The following NAALADL2 variants were observed in gnomAD, a reference collection of about 807,000 sequenced individuals.
The protein encoded by NAALADL2 is inactive N-acetylated-alpha-linked acidic dipeptidase-like protein 2.
In NAALADL2, 76 loss-of-function variants were observed where a neutral mutation model predicts 87.2. The observed-to-expected ratio is 0.87, with a 90% CI of 0.72 to 1.05. The LOEUF (loss-of-function observed/expected upper bound fraction) is 1.05. Ranked by LOEUF, NAALADL2 falls within the 50% of genes least tolerant of loss-of-function variation. The probability of loss-of-function intolerance (pLI) is 0.00; values close to 1 mark genes in which losing one functional copy is unlikely to be tolerated. For missense variants in NAALADL2, 1,089 were observed against 945.8 expected, an observed-to-expected ratio of 1.15 and a Z score of -1.99; for synonymous variants, 354 against 331.0, an observed-to-expected ratio of 1.07 and a Z score of -0.75.
chr3:174,484,819 A>G (rs112596821), intron 1 of NAALADL2, among the ~76,000 whole-genome samples: 5,153 of 68,840 alleles, frequency 0.075, 89 homozygotes, highest in East Asian at 0.14. Context: ...AGTGTGATTT[A>G]CATTATGGTA....
chr3:175,494,318 C>G (rs41482845), intron 9 of NAALADL2, among the ~76,000 whole-genome samples: 15,527 of 152,088 alleles, frequency 0.1, 999 homozygotes, highest in African/African-American at 0.17. Flanking sequence ...TGGTGATAAA[C>G]ATGCATGCAT....
At chr3:174,863,859 C>T (rs1243688034) in intron 1 of NAALADL2, 1 of 308,468 alleles carries the variant, frequency 3.2e-6, no homozygotes, top group Non-Finnish European at 6.3e-6. Context: ...GTGCAAGGAG[C>T]TCCTGTTGGA....
intron 10 of NAALADL2, among the ~76,000 whole-genome samples, 185 bp downstream of exon 10, chr3:175,576,372 A>G (rs1249439470): frequency 2.0e-5 from 3 of 152,232 alleles, no homozygotes; most frequent in Admixed American, 2.0e-4. Flanking sequence ...AGCTCTTTTC[A>G]ATAGTATTGA....
chr3:175,420,349 A>G (rs1028227588), intron 5 of NAALADL2, among the ~76,000 whole-genome samples: 3 of 151,998 alleles, frequency 2.0e-5, no homozygotes, highest in African/African-American at 7.2e-5. Flanking sequence ...AAATTCTTCT[A>G]CACCTGAAGG....
At chr3:174,619,560 T>C (rs1474639809) in intron 2 of NAALADL2, among the ~76,000 whole-genome samples, 1 of 151,960 alleles carries the variant, frequency 6.6e-6, no homozygotes, top group Non-Finnish European at 1.5e-5. Context: ...GAGTTGCTTT[T>C]GGTCTTCAAT....
At chr3:175,257,719 A>C (rs1020577069) in intron 4 of NAALADL2, among the ~76,000 whole-genome samples, 1 of 152,182 alleles carries the variant, frequency 6.6e-6, no homozygotes, top group Non-Finnish European at 1.5e-5. Context: ...TGAATATGCT[A>C]TAACAATTTG....
intron 11 of NAALADL2, among the ~76,000 whole-genome samples, chr3:175,681,110 T>TCAAAA (rs539746203): frequency 1.3e-5 from 2 of 152,192 alleles, no homozygotes; most frequent in Non-Finnish European, 2.9e-5. Flanking sequence ...AGGCTCTGTC[T>TCAAAA]CAAAACAAAA....
intron 4 of NAALADL2, among the ~76,000 whole-genome samples, chr3:175,266,976 T>C (rs1752033128): frequency 6.6e-6 from 1 of 151,798 alleles, no homozygotes. Context: ...TCAAACCTTA[T>C]GATTGGTTTT....
chr3:175,743,094 G>A (rs148585234), intron 12 of NAALADL2, among the ~76,000 whole-genome samples: 1,809 of 151,926 alleles, frequency 0.012, 35 homozygotes, highest in African/African-American at 0.042. Flanking sequence ...TCCTCCTCCC[G>A]GGTTCAAGTG....
At chr3:175,666,324 T>A (rs565710510) in intron 11 of NAALADL2, among the ~76,000 whole-genome samples, 1 of 152,270 alleles carries the variant, frequency 6.6e-6, no homozygotes, top group Admixed American at 6.5e-5. Context: ...CTCAGGTTCC[T>A]AGAGTCATCA....
intron 9 of NAALADL2, among the ~76,000 whole-genome samples, chr3:175,555,794 C>A (rs545902746): frequency 3.9e-5 from 6 of 152,112 alleles, no homozygotes; most frequent in Non-Finnish European, 8.8e-5. Context: ...TTAATTACTT[C>A]TTGAGAAAGG....
chr3:174,947,280 T>G (rs1347967178), intron 1 of NAALADL2, among the ~76,000 whole-genome samples: 1 of 152,176 alleles, frequency 6.6e-6, no homozygotes, highest in Non-Finnish European at 1.5e-5. Context: ...GTTTGTTTTT[T>G]GTTTTTTTCT....
intron 1 of NAALADL2, among the ~76,000 whole-genome samples, chr3:174,939,276 T>C (rs2108459481): frequency 6.6e-6 from 1 of 152,206 alleles, no homozygotes; most frequent in Non-Finnish European, 1.5e-5. Flanking sequence ...CTTTTTTCCA[T>C]GGCTTGGTTT....
chr3:175,225,620 C>T (rs1056919140), intron 2 of NAALADL2, among the ~76,000 whole-genome samples: 2 of 151,960 alleles, frequency 1.3e-5, no homozygotes, highest in African/African-American at 4.8e-5. Context: ...CTAGTCATTT[C>T]TATTACAATC....
At chr3:174,663,977 G>C (rs1434549910) in intron 2 of NAALADL2, among the ~76,000 whole-genome samples, 1 of 151,694 alleles carries the variant, frequency 6.6e-6, no homozygotes, top group Non-Finnish European at 1.5e-5. Flanking sequence ...TAGTAGAGAG[G>C]GGGGTTTCAC....
chr3:174,462,490 G>T (rs1006067024), intron 1 of NAALADL2, among the ~76,000 whole-genome samples: 1 of 152,064 alleles, frequency 6.6e-6, no homozygotes, highest in East Asian at 1.9e-4. Context: ...TTTTTATAAA[G>T]AAATTTTTAG....
At chr3:175,337,350 A>T (rs1246068700) in intron 5 of NAALADL2, among the ~76,000 whole-genome samples, 2 of 152,144 alleles carry the variant, frequency 1.3e-5, no homozygotes, top group Non-Finnish European at 2.9e-5. Context: ...TGGCTGAGTT[A>T]TCTTTTCAAA....
At chr3:175,683,973 A>G (rs1042572408) in intron 11 of NAALADL2, among the ~76,000 whole-genome samples, 1 of 152,080 alleles carries the variant, frequency 6.6e-6, no homozygotes, top group Non-Finnish European at 1.5e-5. Context: ...TAGGACTAAG[A>G]TGTAAGTTTA....
intron 11 of NAALADL2, among the ~76,000 whole-genome samples, chr3:175,710,369 C>T (rs1274330403): frequency 1.3e-5 from 2 of 151,824 alleles, no homozygotes; most frequent in Non-Finnish European, 1.5e-5. Flanking sequence ...GGTTGATTTA[C>T]ATAATCATTT....
Sources: allele counts gnomAD v4.1 joint callset (sites outside exome capture counted in the v4.1 genomes callset), GRCh38; gene constraint gnomAD v4.1.1; transcripts MANE v1.5; gene names NCBI Gene and HGNC (gene_info 2026-07-23, HGNC 2026-07-21).